Variants in PXDN observed in about 807,000 individuals in gnomAD.
The protein encoded by PXDN is peroxidasin homolog.
PXDN carries 77 observed loss-of-function variants against 140.3 expected under a neutral mutation model. That is an observed-to-expected ratio of 0.55 (90% CI 0.46 to 0.66). The LOEUF (loss-of-function observed/expected upper bound fraction) is 0.66, where lower values mean the gene tolerates loss of function less well. Among genes scored for constraint, PXDN ranks in the 30% least tolerant of loss-of-function variants. The pLI is 0.00. For synonymous variants in PXDN, 911 were observed against 857.4 expected (o/e 1.06, Z -1.09); for missense variants, 1,838 against 2,039.5 (o/e 0.90, Z 1.90).
intron 10 of PXDN, among the ~76,000 whole-genome samples, chr2:1,665,550 A>T (rs1683415361): frequency 6.6e-6 from 1 of 152,248 alleles, no homozygotes; most frequent in African/African-American, 2.4e-5. Flanking sequence ...AACAGCCACA[A>T]AAAAAGTAAA....
chr2:1,643,552 C>G lies in PXDN; in HGVS notation c.3768G>C (p.Val1256=), dbSNP rs746169929. 1.5e-5 allele frequency: 24 copies of G among 1,613,884 alleles called. No individual in the cohort carries two copies. The highest frequency in any genetic ancestry group is 1.7e-5 in the Non-Finnish European group (20 of 1,179,888). Reference sequence around the variant, plus strand: ...TCTGAGTCAGCTGGGCCGGGGAGAACACCCCAGGGTTCTCATACCACAACC... The same window carrying G: ...TCTGAGTCAGCTGGGCCGGGGAGAAGACCCCAGGGTTCTCATACCACAACC... ...GDRLWYENPG[V]FSPAQLTQIK... Residue 1256 remains valine (V), a synonymous_variant, in exon 19 of 23, where the codon GTG becomes GTC. Transcript: ENST00000252804.
At chr2:1,653,238 G>A (rs569819956) in intron 16 of PXDN, 4 of 335,536 alleles carry the variant, frequency 1.2e-5, no homozygotes, top group South Asian at 2.5e-5. Context: ...CCTAATACGC[G>A]TGGCACCGCA....
chr2:1,724,769 A>G (rs1685137355), intron 1 of PXDN, among the ~76,000 whole-genome samples: 1 of 152,178 alleles, frequency 6.6e-6, no homozygotes, highest in Non-Finnish European at 1.5e-5. Flanking sequence ...TAACTTTGTA[A>G]TATAATTTGA....
intron 6 of PXDN, among the ~76,000 whole-genome samples, chr2:1,683,396 A>G (rs1027218430): frequency 1.2e-5 from 1 of 80,182 alleles, no homozygotes; most frequent in African/African-American, 3.8e-5. Context: ...AGCCTGGGCA[A>G]CAGAGCAAGA....
chr2:1,655,360 C>A (rs113412443), intron 14 of PXDN, among the ~76,000 whole-genome samples: 6,581 of 149,892 alleles, frequency 0.044, 421 homozygotes, highest in African/African-American at 0.15. Context: ...ACATATAGTA[C>A]ATTATACACA....
intron 1 of PXDN, among the ~76,000 whole-genome samples, chr2:1,733,320 A>C: frequency 6.6e-6 from 1 of 152,208 alleles, no homozygotes; most frequent in Non-Finnish European, 1.5e-5. Context: ...GCATATCATA[A>C]TCCAATTGCT....
At chr2:1,710,533 G>A (rs1253506529) in intron 1 of PXDN, among the ~76,000 whole-genome samples, 2 of 133,652 alleles carry the variant, frequency 1.5e-5, no homozygotes, top group East Asian at 2.4e-4. Context: ...CCCACTCTAC[G>A]AACACCCACT....
chr2:1,739,180 G>A (rs2059411), intron 1 of PXDN, among the ~76,000 whole-genome samples: 110,851 of 151,914 alleles, frequency 0.73, 40,670 homozygotes, highest in East Asian at 0.95. Context: ...CATCTGGTCC[G>A]TTAAGACAAT....
chr2:1,670,037 A>G (rs1683537827), intron 9 of PXDN, among the ~76,000 whole-genome samples: 2 of 152,160 alleles, frequency 1.3e-5, no homozygotes, highest in African/African-American at 2.4e-5. Flanking sequence ...GAATATCCAT[A>G]CAGTTTGCTA....
At position 1,707,355 on chromosome 2, in the gene PXDN, G is replaced by A. The variant is rs7605192; in HGVS notation, c.201-14221C>T. Reference sequence around the variant, plus strand: ...ACCTGCCCCACTAATAATACAAACTGAGAGCACGCTGCAGTGCTCACCAAT... The same window carrying A: ...ACCTGCCCCACTAATAATACAAACTAAGAGCACGCTGCAGTGCTCACCAAT... On this transcript the variant is annotated intron_variant, in intron 1 of 22. Coordinates refer to ENST00000252804, the MANE Select transcript of PXDN (RefSeq NM_012293.3). Among the ~76,000 whole-genome samples, 34 of 49,140 alleles carry A rather than the reference G, an allele frequency of 6.9e-4. 8 individuals carry two copies. Among genetic ancestry groups the A allele is most frequent in the East Asian group, 8.3e-4 (3 of 3,632 alleles). 32.2% of individuals were successfully genotyped at this position (49,140 alleles called of 152,430 possible).
intron 1 of PXDN, among the ~76,000 whole-genome samples, chr2:1,741,706 G>A (rs1685549434): frequency 6.6e-6 from 1 of 152,134 alleles, no homozygotes; most frequent in African/African-American, 2.4e-5. Context: ...ATGGTTGGAT[G>A]AGCCAACTAA....
At chr2:1,684,220 A>T in intron 4 of PXDN, 69 bp from the exon 5 acceptor site, 1 of 1,359,296 alleles carries the variant, frequency 7.4e-7, no homozygotes, top group Admixed American at 2.0e-5. Context: ...TTTTGCCCAA[A>T]TTTTTTTCCT....
Position 1,649,351 on chromosome 2 carries a change from G to T in PXDN, c.2429C>A (p.Pro810His). Residue 810 changes from proline (P) to histidine (H), a missense_variant, in exon 17 of 23, where the codon CCC becomes CAC. By Grantham distance (77) the Pro-to-His change is moderately conservative. Coordinates refer to ENST00000252804, the MANE Select transcript of PXDN (RefSeq NM_012293.3). The surrounding 1 kb of genome is among the most constrained non-coding windows in gnomAD (Gnocchi z 7.1). The part of the protein sequence containing the change: ...TTLIGTETVT[P>H]DEQFTHMLMQ... ...CAGCATGTGGGTGAACTGCTCGTCG[G>T]GTGTGACGGTCTCCGTCCCGATCAG... The T allele has an allele frequency of 6.2e-7, 1 of 1,613,968 alleles. No homozygotes were observed. Among genetic ancestry groups the T allele is most frequent in the Non-Finnish European group, 8.5e-7 (1 of 1,179,882 alleles).
intron 1 of PXDN, among the ~76,000 whole-genome samples, chr2:1,711,662 ACT>A (rs201813298): frequency 0.027 from 1,640 of 61,884 alleles, 67 homozygotes; most frequent in African/African-American, 0.11. Context: ...ACCAGCACCC[ACT>A]CTCCACCAGC....
chr2:1,713,845 C>T (rs1352495608), intron 1 of PXDN, among the ~76,000 whole-genome samples: 1 of 152,246 alleles, frequency 6.6e-6, no homozygotes, highest in Non-Finnish European at 1.5e-5. Context: ...GGGGTGTTCA[C>T]TGACCCCATT....
intron 5 of PXDN, 24 bp downstream of exon 5, chr2:1,684,056 G>A: frequency 6.4e-7 from 1 of 1,559,672 alleles, no homozygotes; most frequent in Non-Finnish European, 8.7e-7. Context: ...TGAATGGAAA[G>A]GCAAGGAACA....
At chr2:1,703,267 A>G (rs1572172882) in intron 1 of PXDN, among the ~76,000 whole-genome samples, 4 of 942 alleles carry the variant, frequency 4.2e-3, no homozygotes, top group Non-Finnish European at 8.6e-3. Flanking sequence ...AGGTGAAGGT[A>G]GGGGGCAACT....
At chr2:1,713,377 A>G (rs1684827094) in intron 1 of PXDN, among the ~76,000 whole-genome samples, 1 of 152,230 alleles carries the variant, frequency 6.6e-6, no homozygotes, top group South Asian at 2.1e-4. Flanking sequence ...TGCGAAAAGA[A>G]GCAGGTGGAT....
chr2:1,736,158 T>G (rs570052507), intron 1 of PXDN, among the ~76,000 whole-genome samples: 5 of 152,302 alleles, frequency 3.3e-5, no homozygotes, highest in Admixed American at 2.6e-4. Flanking sequence ...TGTGGCTGGT[T>G]TGCTCTTCTT....
Sources: gnomAD v4.1 joint callset for allele counts (sites outside exome capture counted in the v4.1 genomes callset) on GRCh38, gnomAD v4.1.1 for gene constraint, Gnocchi (gnomAD v3.1) non-coding constraint, MANE v1.5 for transcripts, NCBI Gene and HGNC (gene_info 2026-07-23, HGNC 2026-07-21) for gene names.